The following CCL28 variants were observed in gnomAD, a reference collection of about 807,000 sequenced individuals.
CCL28 encodes C-C motif chemokine 28.
In CCL28, 4 loss-of-function variants were observed where a neutral mutation model predicts 7.1. That is an observed-to-expected ratio of 0.56 (90% CI 0.28 to 1.29). CCL28 has a LOEUF of 1.29. Among genes scored for constraint, CCL28 ranks in the 50% most tolerant of loss-of-function variants. CCL28 has a pLI of 0.11. For missense variants in CCL28, 151 were observed against 163.4 expected (o/e 0.92, Z 0.41); for synonymous variants, 55 against 57.8 (o/e 0.95, Z 0.22).
At chr5:43,391,979 G>A (rs966615934) in intron 1 of CCL28, among the ~76,000 whole-genome samples, 1 of 152,112 alleles carries the variant, frequency 6.6e-6, no homozygotes, top group African/African-American at 2.4e-5. Flanking sequence ...TCTCCTTGGG[G>A]CTTGTGTGAG....
chr5:43,405,744 C>T (rs1047121567), intron 1 of CCL28, among the ~76,000 whole-genome samples: 1 of 151,956 alleles, frequency 6.6e-6, no homozygotes, highest in Non-Finnish European at 1.5e-5. Context: ...ATTGATAGAC[C>T]ACTAGCAAGA....
chr5:43,359,667 T>C, the CCL28 span, among the ~76,000 whole-genome samples: 1 of 152,186 alleles, frequency 6.6e-6, no homozygotes, highest in Non-Finnish European at 1.5e-5. Context: ...CCCTAGATTG[T>C]TTTTCTATAA....
chr5:43,370,989 C>A, the CCL28 span, among the ~76,000 whole-genome samples: 1 of 152,206 alleles, frequency 6.6e-6, no homozygotes, highest in Admixed American at 6.5e-5. Context: ...TGATCCACCC[C>A]CTTTGGCCTC....
At chr5:43,384,362 G>GA (rs1475906136) in intron 2 of CCL28, among the ~76,000 whole-genome samples, 1 of 152,006 alleles carries the variant, frequency 6.6e-6, no homozygotes, top group Non-Finnish European at 1.5e-5. Flanking sequence ...TTCAACTGGG[G>GA]AAAAAAATCA....
the CCL28 span, among the ~76,000 whole-genome samples, chr5:43,365,060 A>G: frequency 6.9e-6 from 1 of 143,962 alleles, no homozygotes; most frequent in Non-Finnish European, 1.5e-5. Flanking sequence ...GCTGGAGTAC[A>G]GTGGCGTGAT....
At chr5:43,382,144 CTG>C in intron 2 of CCL28, 92 bp from the exon 3 acceptor site, 2 of 1,124,782 alleles carry the variant, frequency 1.8e-6, no homozygotes, top group South Asian at 1.6e-5. Flanking sequence ...CTTTGGGACA[CTG>C]TATTCCTAGA....
At chr5:43,399,849 C>CT (rs796272225) in intron 1 of CCL28, among the ~76,000 whole-genome samples, 6,497 of 138,942 alleles carry the variant, frequency 0.047, 402 homozygotes, top group African/African-American at 0.15. Context: ...TATTTCTTTT[C>CT]TTTTTTTTTT....
At position 43,412,250 on chromosome 5, in the gene CCL28, C is replaced by T. The variant is rs760991340; in HGVS notation, c.64+3G>A. ...GGCCTAAGTGTCCAGTGCCCCCACT[C>T]ACCTTCTGAGGCATGTAGGGCCGCA... is the stretch of plus-strand genomic sequence containing the variant. On this transcript the variant is annotated splice_donor_region_variant and intron_variant, in intron 1 of 2. Transcript: ENST00000361115. 3 of 1,610,710 alleles carry T rather than the reference C, an allele frequency of 1.9e-6. No individual in the cohort carries two copies. The highest frequency in any genetic ancestry group is 2.5e-6 in the Non-Finnish European group (3 of 1,178,058).
intron 1 of CCL28, among the ~76,000 whole-genome samples, chr5:43,395,442 T>C (rs1298744483): frequency 6.6e-6 from 1 of 152,018 alleles, no homozygotes; most frequent in South Asian, 2.1e-4. Flanking sequence ...TTTGGGAGAC[T>C]GAGGTGGGAG....
the CCL28 span, among the ~76,000 whole-genome samples, chr5:43,365,188 A>G: frequency 6.6e-6 from 1 of 151,986 alleles, no homozygotes; most frequent in Non-Finnish European, 1.5e-5. Flanking sequence ...TATTTTTAGT[A>G]GAGATGTGGT....
chr5:43,370,615 C>T, the CCL28 span, among the ~76,000 whole-genome samples: 7 of 152,226 alleles, frequency 4.6e-5, no homozygotes, highest in Admixed American at 3.9e-4. Context: ...CACTGGGTCA[C>T]TGGGTCACTG....
intron 1 of CCL28, among the ~76,000 whole-genome samples, chr5:43,405,804 A>G (rs1210179180): frequency 6.6e-6 from 1 of 152,200 alleles, no homozygotes. Flanking sequence ...ATAAAAAATG[A>G]TAAGGAGAAT....
chr5:43,365,563 G>C, the CCL28 span, among the ~76,000 whole-genome samples: 1 of 151,988 alleles, frequency 6.6e-6, no homozygotes, highest in Non-Finnish European at 1.5e-5. Flanking sequence ...TGCAAGGCAG[G>C]CTTGGTGGTG....
At chr5:43,368,619 T>C in the CCL28 span, among the ~76,000 whole-genome samples, 1 of 152,290 alleles carries the variant, frequency 6.6e-6, no homozygotes, top group East Asian at 1.9e-4. Flanking sequence ...TATTTGGAAA[T>C]AGAGTTGTTA....
intron 1 of CCL28, among the ~76,000 whole-genome samples, chr5:43,408,390 C>G (rs1284134953): frequency 6.6e-6 from 1 of 152,156 alleles, no homozygotes; most frequent in African/African-American, 2.4e-5. Flanking sequence ...ATTGCAAGGA[C>G]AGAAAACCAA....
intron 1 of CCL28, among the ~76,000 whole-genome samples, chr5:43,396,077 A>T (rs1022164843): frequency 1.3e-5 from 2 of 151,872 alleles, no homozygotes; most frequent in African/African-American, 4.8e-5. Flanking sequence ...TCACCGTGTT[A>T]GCCAGGATGG....
chr5:43,379,393 A>AT lies in CCL28; in HGVS notation c.*2466dup, dbSNP rs1195451791. On this transcript the variant is annotated 3_prime_UTR_variant, in exon 3 of 3. Coordinates refer to ENST00000361115, the MANE Select transcript of CCL28 (RefSeq NM_148672.3). ...GTTACTCTCATATTATATTTTATTA[A>AT]TTTTTTCTTATTTAAAAAGCTTGTC... is the stretch of plus-strand genomic sequence containing the variant. The AT allele has an allele frequency of 8.5e-5, 13 of 152,064 alleles. No individual in the cohort carries two copies. The highest frequency in any genetic ancestry group is 3.1e-4 in the African/African-American group (13 of 41,406). The allele number at this position is 152,064 out of a possible 1,614,324, so 9.4% of individuals were successfully genotyped here.
At chr5:43,408,038 A>G (rs779855) in intron 1 of CCL28, among the ~76,000 whole-genome samples, 1 of 152,314 alleles carries the variant, frequency 6.6e-6, no homozygotes, top group African/African-American at 2.4e-5. Flanking sequence ...TTACACTGTT[A>G]GTGGGACTCT....
rs114487466 is a variant in CCL28 at position 43,409,112 on chromosome 5, T to C, written c.64+3141A>G. On this transcript the variant is annotated intron_variant, in intron 1 of 2. Transcript: ENST00000361115. ...GGGCAACATAGTGAGACTCTATCTC[T>C]ACAAGAAAAATTTTTTTAATTAGCC... Among the ~76,000 whole-genome samples, 1,111 of 152,194 alleles carry C rather than the reference T, an allele frequency of 7.3e-3. 7 individuals are homozygous for C. Among genetic ancestry groups the C allele is most frequent in the African/African-American group, 0.013 (543 of 41,542 alleles).
Sources: gnomAD v4.1 joint callset for allele counts (sites outside exome capture counted in the v4.1 genomes callset) on GRCh38, gnomAD v4.1.1 for gene constraint, MANE v1.5 for transcripts, NCBI Gene and HGNC (gene_info 2026-07-23, HGNC 2026-07-21) for gene names.